The following RANBP17 variants were observed in gnomAD, a reference collection of about 807,000 sequenced individuals.
RANBP17 encodes the protein RAN binding protein 17.
A neutral mutation model predicts 141.2 loss-of-function variants in RANBP17; 158 were observed. The ratio of observed to expected loss-of-function variants is 1.12; its 90% CI spans 0.98 to 1.28. The LOEUF (loss-of-function observed/expected upper bound fraction) is 1.28. Among genes scored for constraint, RANBP17 ranks in the 50% most tolerant of loss-of-function variants. RANBP17 has a pLI of 0.00. For synonymous variants in RANBP17, 430 were observed against 450.0 expected (o/e 0.96, Z 0.56); for missense variants, 1,438 against 1,290.7 (o/e 1.11, Z -1.75).
Position 170,924,474 on chromosome 5 carries a change from C to T in RANBP17, c.1392C>T (p.Phe464=), listed in dbSNP as rs373712608. Residue 464 remains phenylalanine (F), a synonymous_variant, in exon 12 of 28, where the codon TTC becomes TTT. Transcript: ENST00000523189. ...EKTCALLVQL[F]DQNAQNYQKL... ...CATGTGCTCTTCTTGTGCAGTTATT[C>T]GACCAAAATGCACAGAATTACCAAA... The T allele has an allele frequency of 6.1e-5, 99 of 1,612,940 alleles. No homozygotes were observed. The highest frequency in any genetic ancestry group is 1.7e-4 in the Middle Eastern group (1 of 5,930).
chr5:171,290,305 G>A (rs189635671), intron 25 of RANBP17, among the ~76,000 whole-genome samples: 69 of 151,844 alleles, frequency 4.5e-4, no homozygotes, highest in Admixed American at 1.3e-3. Context: ...GGAGGCGGAG[G>A]TGCAGTGAGC....
At chr5:171,267,754 C>T (rs777354461) in intron 25 of RANBP17, among the ~76,000 whole-genome samples, 12 of 151,168 alleles carry the variant, frequency 7.9e-5, no homozygotes, top group South Asian at 4.2e-4. Flanking sequence ...TTGCAGTGAG[C>T]GAGATCACAC....
chr5:170,955,398 AT>A (rs1446301380), intron 13 of RANBP17, among the ~76,000 whole-genome samples: 3 of 147,154 alleles, frequency 2.0e-5, no homozygotes, highest in African/African-American at 5.0e-5. Flanking sequence ...TGATTATATT[AT>A]TTACCTGCTT....
intron 24 of RANBP17, among the ~76,000 whole-genome samples, chr5:171,253,772 T>C (rs1271069184): frequency 1.3e-5 from 2 of 152,220 alleles, no homozygotes; most frequent in Non-Finnish European, 2.9e-5. Context: ...TTTCTATTTT[T>C]AAGGTGAATT....
chr5:170,952,153 T>C (rs184503034), intron 12 of RANBP17, among the ~76,000 whole-genome samples: 115 of 152,166 alleles, frequency 7.6e-4, no homozygotes, highest in African/African-American at 2.6e-3. Context: ...GTAGAGCTTC[T>C]ATGATAGACT....
intron 16 of RANBP17, among the ~76,000 whole-genome samples, chr5:171,178,116 A>AC (rs2127905675): frequency 6.6e-6 from 1 of 151,010 alleles, no homozygotes; most frequent in African/African-American, 2.4e-5. Flanking sequence ...GGTTTGCTGC[A>AC]CCCATCAATG....
intron 13 of RANBP17, among the ~76,000 whole-genome samples, chr5:170,955,621 A>G (rs866100503): frequency 0.039 from 2,984 of 76,094 alleles, 323 homozygotes; most frequent in Middle Eastern, 0.061. Context: ...CTCAGTGTAT[A>G]TATATATATA....
intron 4 of RANBP17, 101 bp from the exon 5 acceptor site, chr5:170,895,949 G>C (rs111334926): frequency 3.8e-6 from 2 of 529,692 alleles, no homozygotes; most frequent in East Asian, 6.4e-5. Flanking sequence ...GAGTAAATGT[G>C]GTGTTTCAGT....
chr5:171,142,651 C>T (rs1174012943), intron 14 of RANBP17, among the ~76,000 whole-genome samples: 1 of 152,020 alleles, frequency 6.6e-6, no homozygotes, highest in African/African-American at 2.4e-5. Context: ...ACTTTTTTTC[C>T]TTAGAAGAAG....
chr5:170,965,330 T>C (rs1032196388), intron 13 of RANBP17, among the ~76,000 whole-genome samples: 5 of 151,708 alleles, frequency 3.3e-5, no homozygotes, highest in African/African-American at 1.2e-4. Flanking sequence ...TGCGAAAATT[T>C]TCTCCCATTT....
At chr5:170,973,861 ACTCT>A (rs1312057531) in intron 14 of RANBP17, among the ~76,000 whole-genome samples, 1 of 152,046 alleles carries the variant, frequency 6.6e-6, no homozygotes. Flanking sequence ...GGGCACACAA[ACTCT>A]CTCAGACCAC....
chr5:170,992,069 G>A (rs1461302176), intron 14 of RANBP17, among the ~76,000 whole-genome samples: 4 of 151,952 alleles, frequency 2.6e-5, no homozygotes, highest in Non-Finnish European at 4.4e-5. Context: ...TGATTCTAAA[G>A]TCAAGACTCT....
chr5:170,995,192 C>T lies in RANBP17; in HGVS notation c.1710+26815C>T, dbSNP rs984415158. Among the ~76,000 whole-genome samples the T allele has an allele frequency of 3.3e-5, 5 of 151,994 alleles. No homozygotes were observed. In the South Asian group the frequency reaches 6.2e-4, roughly 19 times the overall value. ...TTATGTGTTACAGTTGAAACATTTC[C>T]GAGACATGTTGTATGCATATCTTTT... On this transcript the variant is annotated intron_variant, in intron 14 of 27. Transcript: ENST00000523189.
Position 170,953,593 on chromosome 5 carries a change from T to G in RANBP17, c.1469-4T>G. ...AAACTTTTTTCTTCCTTATTCTATA[T>G]TAGGACGTCTTGCATGGCTGGTATA... On this transcript the variant is annotated splice_region_variant and splice_polypyrimidine_tract_variant and intron_variant, in intron 12 of 27. Coordinates refer to ENST00000523189, the MANE Select transcript of RANBP17 (RefSeq NM_022897.5). The G allele has an allele frequency of 6.3e-7, 1 of 1,594,864 alleles. No individual in the cohort carries two copies. The highest frequency in any genetic ancestry group is 8.6e-7 in the Non-Finnish European group (1 of 1,165,086).
At chr5:171,115,276 A>G (rs1755536278) in intron 14 of RANBP17, among the ~76,000 whole-genome samples, 1 of 152,214 alleles carries the variant, frequency 6.6e-6, no homozygotes, top group Non-Finnish European at 1.5e-5. Context: ...TGATATGAGT[A>G]TAGTATATTA....
At chr5:170,901,533 ATTG>A (rs1250562417) in intron 5 of RANBP17, among the ~76,000 whole-genome samples, 1 of 152,140 alleles carries the variant, frequency 6.6e-6, no homozygotes, top group Admixed American at 6.5e-5. Flanking sequence ...TAAGGTTAGT[ATTG>A]TTGTATGTGA....
At chr5:171,042,490 G>A (rs1782314814) in intron 14 of RANBP17, among the ~76,000 whole-genome samples, 1 of 152,072 alleles carries the variant, frequency 6.6e-6, no homozygotes, top group Non-Finnish European at 1.5e-5. Context: ...TGTTTTCAGT[G>A]TTAGGGAAAT....
chr5:170,909,860 C>A, intron 6 of RANBP17, 95 bp downstream of exon 6: 1 of 717,880 alleles, frequency 1.4e-6, no homozygotes, highest in South Asian at 1.7e-5. Flanking sequence ...CCCAGTTTTG[C>A]CTTTTAAAGA....
chr5:170,898,257 T>A (rs1770301883), intron 5 of RANBP17, among the ~76,000 whole-genome samples: 1 of 152,240 alleles, frequency 6.6e-6, no homozygotes. Context: ...CATTGAGTTT[T>A]GATTTGCATT....
Sources: gnomAD v4.1 joint callset for allele counts (sites outside exome capture counted in the v4.1 genomes callset) on GRCh38, gnomAD v4.1.1 for gene constraint, MANE v1.5 for transcripts, NCBI Gene and HGNC (gene_info 2026-07-23, HGNC 2026-07-21) for gene names.